MAP3K13: variants seen among roughly 807,000 people sequenced by gnomAD.
The protein encoded by MAP3K13 is leucine zipper-bearing kinase.
MAP3K13 carries 52 observed loss-of-function variants against 104.0 expected under a neutral mutation model. The observed-to-expected ratio is 0.50, with a 90% CI of 0.40 to 0.63. The LOEUF is 0.63. Among genes scored for constraint, MAP3K13 ranks in the 20% least tolerant of loss-of-function variants. The pLI is 0.00. For missense variants in MAP3K13, 914 were observed against 1,218.5 expected (o/e 0.75, Z 3.72); for synonymous variants, 394 against 442.2 (o/e 0.89, Z 1.37).
chr3:185,417,402 C>A, intron 1 of MAP3K13: 1 of 1,250,828 alleles, frequency 8.0e-7, no homozygotes. Flanking sequence ...CTTTTCTTTT[C>A]TTTTTTTCCT....
chr3:185,378,565 G>A (rs1327373540), intron 1 of MAP3K13, among the ~76,000 whole-genome samples: 1 of 152,156 alleles, frequency 6.6e-6, no homozygotes, highest in East Asian at 1.9e-4. Flanking sequence ...GGGAGCAGAG[G>A]CTGAGGAAGA....
At chr3:185,290,825 A>G (rs1232031404) in intron 2 of MAP3K13, among the ~76,000 whole-genome samples, 2 of 152,188 alleles carry the variant, frequency 1.3e-5, no homozygotes, top group Non-Finnish European at 2.9e-5. Flanking sequence ...TATTATTATT[A>G]GTTTTTAGGC....
rs1282437442 is a variant in MAP3K13, at chr3:185,477,366, A to G, written c.2471A>G (p.Asp824Gly). The G allele has an allele frequency of 6.2e-6, 10 of 1,613,036 alleles. No individual in the cohort carries two copies. The highest frequency in any genetic ancestry group is 8.5e-6 in the Non-Finnish European group (10 of 1,179,086). Reference sequence around the variant, plus strand: ...TCAGAAGAGGAAGAAGGGGAAGTAGATAGTGAAGTTGAATTTCCACGAAGA... The same window carrying G: ...TCAGAAGAGGAAGAAGGGGAAGTAGGTAGTGAAGTTGAATTTCCACGAAGA... ...DSSEEEEGEV[D>G]SEVEFPRRQR... The change falls in exon 12 of 14, where the codon GAT becomes GGT. Residue 824 changes from aspartate (D) to glycine (G), a missense_variant. Coordinates refer to ENST00000265026, the MANE Select transcript of MAP3K13 (RefSeq NM_004721.5).
chr3:185,385,149 T>C (rs547546267), intron 1 of MAP3K13, among the ~76,000 whole-genome samples: 4 of 152,254 alleles, frequency 2.6e-5, no homozygotes, highest in African/African-American at 9.6e-5. Context: ...ACTGCTGAAT[T>C]CTAGCAATCT....
At chr3:185,299,425 C>T (rs1387622691) in intron 2 of MAP3K13, among the ~76,000 whole-genome samples, 2 of 152,246 alleles carry the variant, frequency 1.3e-5, no homozygotes, top group African/African-American at 4.8e-5. Context: ...TCTGTGGGCC[C>T]TTGTGTTACT....
chr3:185,392,799 A>T (rs1712146077), intron 1 of MAP3K13, among the ~76,000 whole-genome samples: 1 of 152,158 alleles, frequency 6.6e-6, no homozygotes, highest in African/African-American at 2.4e-5. Flanking sequence ...TTGTAATCCC[A>T]GCACTTTGGG....
At chr3:185,344,444 T>C (rs1386139627) in intron 2 of MAP3K13, among the ~76,000 whole-genome samples, 1 of 152,138 alleles carries the variant, frequency 6.6e-6, no homozygotes, top group Non-Finnish European at 1.5e-5. Context: ...TTACACAGTT[T>C]CTCCTCACTT....
intron 10 of MAP3K13, among the ~76,000 whole-genome samples, chr3:185,469,089 AGGACTTCCGTTTCAGATGATTT>A (rs1717625956): frequency 6.6e-6 from 1 of 152,336 alleles, no homozygotes; most frequent in African/African-American, 2.4e-5. Flanking sequence ...TGTCCCTTGA[AGGACTTCCGTTTCAGATGATTT>A]GGACAGTCCA....
chr3:185,452,510 T>C (rs980046442), intron 7 of MAP3K13, among the ~76,000 whole-genome samples: 2 of 152,196 alleles, frequency 1.3e-5, no homozygotes, highest in African/African-American at 4.8e-5. Flanking sequence ...CTGCTGGGAT[T>C]ACAGGCATGA....
intron 1 of MAP3K13, among the ~76,000 whole-genome samples, chr3:185,380,649 C>T (rs1724671195): frequency 2.0e-5 from 3 of 152,102 alleles, no homozygotes; most frequent in African/African-American, 7.2e-5. Flanking sequence ...TTCAGGAATC[C>T]TTGATTTATA....
chr3:185,341,623 C>G (rs1462384504), intron 2 of MAP3K13, among the ~76,000 whole-genome samples: 1 of 152,114 alleles, frequency 6.6e-6, no homozygotes, highest in African/African-American at 2.4e-5. Context: ...TTATTCCTCC[C>G]TTTAAGAGGT....
In MAP3K13 at chr3:185,314,016, A is replaced by G. The variant is rs151143175; in HGVS notation, c.-86+28373A>G. ...ATGTTTCTCAGAAGTAGAGTGCAAG[A>G]TTTTCTAAGAGATCCAGATTCAGTC... On this transcript the variant is annotated intron_variant, in intron 2 of 14. Transcript: ENST00000424227. Among the ~76,000 whole-genome samples, 3 of 152,254 alleles carry G rather than the reference A, an allele frequency of 2.0e-5. No individual in the cohort carries two copies. In the East Asian group the frequency reaches 5.8e-4, roughly 29 times the overall value.
intron 5 of MAP3K13, among the ~76,000 whole-genome samples, chr3:185,448,798 A>C (rs1422471778): frequency 6.6e-6 from 1 of 152,198 alleles, no homozygotes; most frequent in Non-Finnish European, 1.5e-5. Flanking sequence ...TCTTGGGTGC[A>C]TTCCTCTTAG....
At chr3:185,300,640 C>T (rs1380841481) in intron 2 of MAP3K13, among the ~76,000 whole-genome samples, 3 of 152,010 alleles carry the variant, frequency 2.0e-5, no homozygotes, top group African/African-American at 4.8e-5. Flanking sequence ...CCACAGGTGC[C>T]TGGCATCACG....
At chr3:185,391,862 A>T (rs1226471973) in intron 1 of MAP3K13, among the ~76,000 whole-genome samples, 2 of 152,212 alleles carry the variant, frequency 1.3e-5, no homozygotes, top group African/African-American at 4.8e-5. Flanking sequence ...TCTGTAAAAT[A>T]AAAACCTAAA....
At chr3:185,296,135 T>C (rs544796947) in intron 2 of MAP3K13, among the ~76,000 whole-genome samples, 1 of 152,306 alleles carries the variant, frequency 6.6e-6, no homozygotes, top group East Asian at 1.9e-4. Context: ...TCCCAGCTAC[T>C]CAGGAGGCTG....
At chr3:185,415,577 C>CTTTTTTTT (rs869297992) in intron 1 of MAP3K13, among the ~76,000 whole-genome samples, 1 of 73,016 alleles carries the variant, frequency 1.4e-5, no homozygotes, top group Non-Finnish European at 2.5e-5. Context: ...GGGTTAATTT[C>CTTTTTTTT]TTTTTTTTTT....
intron 2 of MAP3K13, among the ~76,000 whole-genome samples, chr3:185,357,447 T>TAAAAAAAA (rs71162295): frequency 6.1e-4 from 56 of 91,202 alleles, no homozygotes; most frequent in South Asian, 1.5e-3. Context: ...AAACTCCATC[T>TAAAAAAAA]AAAAAAAAAA....
chr3:185,417,748 G>A, intron 1 of MAP3K13: 1 of 1,612,518 alleles, frequency 6.2e-7, no homozygotes, highest in South Asian at 1.1e-5. Flanking sequence ...GTGATTCCTG[G>A]CCTGGCGAAG....
Sources: allele counts gnomAD v4.1 joint callset (sites outside exome capture counted in the v4.1 genomes callset), GRCh38; gene constraint gnomAD v4.1.1; transcripts MANE v1.5; gene names NCBI Gene and HGNC (gene_info 2026-07-23, HGNC 2026-07-21).